The following LMO7 variants were observed in gnomAD, a reference collection of about 807,000 sequenced individuals.
LMO7 encodes the protein LIM domain 7.
LMO7 carries 120 observed loss-of-function variants against 206.5 expected under a neutral mutation model. That is an observed-to-expected ratio of 0.58 (90% CI 0.50 to 0.68). The LOEUF is 0.68. Among genes scored for constraint, LMO7 ranks in the 30% least tolerant of loss-of-function variants. LMO7 has a pLI of 0.00. For missense variants in LMO7, 1,959 were observed against 1,957.9 expected, an observed-to-expected ratio of 1.00 and a Z score of -0.01; for synonymous variants, 706 against 681.5, an observed-to-expected ratio of 1.04 and a Z score of -0.56.
intron 4 of LMO7, among the ~76,000 whole-genome samples, chr13:75,794,441 CTG>C (rs548770233): frequency 7.7e-4 from 118 of 152,264 alleles, no homozygotes; most frequent in African/African-American, 2.8e-3. Context: ...AAATTAGTCT[CTG>C]TGTACTCACA....
At chr13:75,837,078 G>A (rs942297390) in intron 19 of LMO7, among the ~76,000 whole-genome samples, 1 of 152,148 alleles carries the variant, frequency 6.6e-6, no homozygotes, top group Non-Finnish European at 1.5e-5. Flanking sequence ...CAAAGAAGAC[G>A]AGACCTCTTC....
chr13:75,716,350 G>T (rs752480452), intron 2 of LMO7, among the ~76,000 whole-genome samples: 1 of 152,152 alleles, frequency 6.6e-6, no homozygotes, highest in Non-Finnish European at 1.5e-5. Context: ...GAGTAATGAG[G>T]ATAGTTATAT....
intron 3 of LMO7, among the ~76,000 whole-genome samples, chr13:75,733,073 G>C (rs1408588822): frequency 6.6e-6 from 1 of 152,166 alleles, no homozygotes; most frequent in Non-Finnish European, 1.5e-5. Flanking sequence ...GGGGGTCAGG[G>C]GTCAGGGACC....
chr13:75,841,561 A>G (rs751011841), intron 23 of LMO7, 67 bp from the exon 24 acceptor site: 1 of 1,112,404 alleles, frequency 9.0e-7, no homozygotes, highest in Non-Finnish European at 1.3e-6. Context: ...CTGAATATAT[A>G]TGTGTCTATA....
At chr13:75,711,617 C>A (rs925764253) in intron 1 of LMO7, among the ~76,000 whole-genome samples, 13 of 152,120 alleles carry the variant, frequency 8.5e-5, no homozygotes, top group Admixed American at 5.2e-4. Flanking sequence ...TGCGCTGCAC[C>A]CCCCCTGTCC....
intron 18 of LMO7, 35 bp downstream of exon 18, chr13:75,835,374 G>A (rs1407809164): frequency 3.7e-6 from 5 of 1,357,108 alleles, no homozygotes; most frequent in Non-Finnish European, 5.0e-6. Context: ...TACTGGTGTG[G>A]AGTAAAGCAG....
At chr13:75,664,324 T>A (rs1410737385) in intron 1 of LMO7, among the ~76,000 whole-genome samples, 1 of 152,228 alleles carries the variant, frequency 6.6e-6, no homozygotes, top group Non-Finnish European at 1.5e-5. Context: ...AACATAATGA[T>A]CTCCAGTTCC....
Position 75,761,008 on chromosome 13 carries a change from T to G in LMO7, c.287T>G (p.Leu96Arg). Residue 96 changes from leucine to arginine, a missense_variant, in exon 4 of 31, where the codon CTA (leucine) becomes CGA (arginine). Transcript: ENST00000377534. ...GCCCAGCTTTTCCATCCTGGAGATC[T>G]ACAGGATTTATCAAATCGAGTCACT... ...KEAQLFHPGD[L>R]QDLSNRVTVK... 16 of 1,607,978 alleles carry G rather than the reference T, an allele frequency of 1.0e-5. No homozygotes were observed. The highest frequency in any genetic ancestry group is 1.4e-5 in the Non-Finnish European group (16 of 1,175,460).
At chr13:75,733,313 A>C (rs1303042545) in intron 3 of LMO7, among the ~76,000 whole-genome samples, 2 of 152,332 alleles carry the variant, frequency 1.3e-5, no homozygotes, top group African/African-American at 2.4e-5. Flanking sequence ...TGTTTACCTA[A>C]GCAAGCCTGG....
chr13:75,797,682 A>G (rs1051529923), intron 6 of LMO7, among the ~76,000 whole-genome samples: 3 of 152,196 alleles, frequency 2.0e-5, no homozygotes, highest in Admixed American at 6.5e-5. Flanking sequence ...GAACATGATA[A>G]CCTTGGCTTG....
At chr13:75,649,350 G>A (rs1268493704) in intron 1 of LMO7, among the ~76,000 whole-genome samples, 1 of 152,176 alleles carries the variant, frequency 6.6e-6, no homozygotes, top group African/African-American at 2.4e-5. Context: ...GGCGGTGATG[G>A]TCAAAAAGCT....
intron 1 of LMO7, among the ~76,000 whole-genome samples, chr13:75,681,737 T>C (rs891520719): frequency 7.6e-6 from 1 of 130,852 alleles, no homozygotes; most frequent in South Asian, 2.4e-4. Context: ...TATATATATA[T>C]ATATATATAT....
intron 4 of LMO7, among the ~76,000 whole-genome samples, chr13:75,776,487 T>TA (rs2050517028): frequency 6.6e-6 from 1 of 152,112 alleles, no homozygotes; most frequent in South Asian, 2.1e-4. Flanking sequence ...GAAAGCTTTT[T>TA]AAAAAACTTC....
At chr13:75,682,330 A>G (rs1282369091) in intron 1 of LMO7, among the ~76,000 whole-genome samples, 1 of 152,200 alleles carries the variant, frequency 6.6e-6, no homozygotes, top group Non-Finnish European at 1.5e-5. Context: ...GTCAGGACAA[A>G]TGGCACACAA....
At chr13:75,750,058 T>TA (rs145705472) in intron 3 of LMO7, among the ~76,000 whole-genome samples, 2,185 of 148,716 alleles carry the variant, frequency 0.015, 39 homozygotes, top group East Asian at 0.064. Context: ...AATAATAGAT[T>TA]AAAAAAAAAA....
intron 4 of LMO7, among the ~76,000 whole-genome samples, chr13:75,766,950 T>G (rs1397872785): frequency 6.6e-6 from 1 of 152,116 alleles, no homozygotes; most frequent in Non-Finnish European, 1.5e-5. Flanking sequence ...ATTCTCATTA[T>G]AAAAATGCAA....
rs75983022 is a variant in LMO7 at position 75,737,974 on chromosome 13, C to T, written c.210+10876C>T. Among the ~76,000 whole-genome samples the T allele has an allele frequency of 5.3e-5, 8 of 151,200 alleles. No homozygotes were observed. The East Asian group carries it at 1.6e-3, about 30-fold the overall frequency. On this transcript the variant is annotated intron_variant, in intron 3 of 30. Coordinates refer to ENST00000377534, the MANE Select transcript of LMO7 (RefSeq NM_001306080.2). ...CCCAAAGAGGAATCTGAATGGATTC[C>T]TTTTCTTTGAAGGCTACAGATATCC... is the stretch of plus-strand genomic sequence containing the variant.
intron 1 of LMO7, among the ~76,000 whole-genome samples, chr13:75,670,047 T>C (rs968118929): frequency 6.6e-6 from 1 of 152,176 alleles, no homozygotes; most frequent in African/African-American, 2.4e-5. Context: ...TATAGGCCCT[T>C]ATAACAGAGA....
At chr13:75,782,308 C>T (rs1430200160) in intron 4 of LMO7, among the ~76,000 whole-genome samples, 1 of 152,178 alleles carries the variant, frequency 6.6e-6, no homozygotes, top group Non-Finnish European at 1.5e-5. Flanking sequence ...TCATTTTCTT[C>T]AGCCAAATGA....
Sources: gnomAD v4.1 joint callset for allele counts (sites outside exome capture counted in the v4.1 genomes callset) on GRCh38, gnomAD v4.1.1 for gene constraint, MANE v1.5 for transcripts, NCBI Gene and HGNC (gene_info 2026-07-23, HGNC 2026-07-21) for gene names.